Variants in MTMR2 observed in about 807,000 individuals in gnomAD.
MTMR2 encodes the protein phosphatidylinositol-3,5-bisphosphate 3-phosphatase MTMR2.
MTMR2 carries 55 observed loss-of-function variants against 86.9 expected under a neutral mutation model. The ratio of observed to expected loss-of-function variants is 0.63; its 90% CI spans 0.51 to 0.79. The LOEUF is 0.79. Among genes scored for constraint, MTMR2 ranks in the 30% least tolerant of loss-of-function variants. The pLI is 0.00. For missense variants in MTMR2, 659 were observed against 772.3 expected, an observed-to-expected ratio of 0.85 and a Z score of 1.74; for synonymous variants, 241 against 266.8, an observed-to-expected ratio of 0.90 and a Z score of 0.94.
At chr11:95,851,939 A>G (rs938472502) in intron 7 of MTMR2, among the ~76,000 whole-genome samples, 3 of 152,262 alleles carry the variant, frequency 2.0e-5, no homozygotes, top group African/African-American at 7.2e-5. Context: ...CTGCTATTTT[A>G]TAAATAGTGT....
chr11:95,901,591 G>A (rs1250641189), intron 1 of MTMR2, among the ~76,000 whole-genome samples: 1 of 152,216 alleles, frequency 6.6e-6, no homozygotes, highest in Non-Finnish European at 1.5e-5. Context: ...CAGCCAGAGA[G>A]AGAGAGAGAA....
chr11:95,911,490 C>T (rs146806005), intron 1 of MTMR2, among the ~76,000 whole-genome samples: 226 of 152,206 alleles, frequency 1.5e-3, no homozygotes, highest in Middle Eastern at 6.8e-3. Context: ...GGGGTGAGGA[C>T]TGGAGGGCAG....
rs2135462243 is a variant in MTMR2 at position 95,857,572 on chromosome 11, G to A, written c.634C>T (p.Leu212Phe). 1.2e-6 allele frequency: 2 copies of A among 1,611,380 alleles called. No individual in the cohort carries two copies. The highest frequency in any genetic ancestry group is 2.2e-5 in the East Asian group (1 of 44,744). ...CATACCTGCCTTCTATACTCTAAAA[G>A]AGGGTCATATAGCTTCCACCCATTT... The part of the protein sequence containing the change: ...PENGWKLYDP[L>F]LEYRRQGIPN... Residue 212 changes from leucine (L) to phenylalanine (F), a missense_variant, in exon 7 of 15, where the codon CTT becomes TTT. Physicochemically the swap from Leu to Phe is conservative, Grantham distance 22 (BLOSUM62 0). Coordinates refer to ENST00000346299, the MANE Select transcript of MTMR2 (RefSeq NM_016156.6).
chr11:95,892,620 C>T (rs933627108), intron 1 of MTMR2, among the ~76,000 whole-genome samples: 1 of 152,202 alleles, frequency 6.6e-6, no homozygotes, highest in Non-Finnish European at 1.5e-5. Flanking sequence ...TCAGTCCATC[C>T]AAACATTCCT....
intron 1 of MTMR2, among the ~76,000 whole-genome samples, chr11:95,898,322 C>T (rs1467320211): frequency 6.6e-6 from 1 of 151,406 alleles, no homozygotes; most frequent in Non-Finnish European, 1.5e-5. Context: ...CATCTCCCTT[C>T]AGCAGCATAT....
At chr11:95,891,812 AACAC>A (rs139332159) in intron 1 of MTMR2, among the ~76,000 whole-genome samples, 5 of 151,330 alleles carry the variant, frequency 3.3e-5, no homozygotes, top group African/African-American at 7.3e-5. Context: ...TTACGGCAGA[AACAC>A]ACACACACAC....
intron 2 of MTMR2, among the ~76,000 whole-genome samples, chr11:95,886,199 G>T (rs764256953): frequency 6.6e-6 from 1 of 152,036 alleles, no homozygotes; most frequent in Non-Finnish European, 1.5e-5. Context: ...TAATAATAAC[G>T]TATCAGTATT....
At chr11:95,848,541 T>C (rs1326204612) in intron 9 of MTMR2, among the ~76,000 whole-genome samples, 1 of 152,204 alleles carries the variant, frequency 6.6e-6, no homozygotes, top group Non-Finnish European at 1.5e-5. Context: ...AAGCTATGGC[T>C]AGAAAGAAGA....
At chr11:95,880,429 T>C (rs938542662) in intron 2 of MTMR2, among the ~76,000 whole-genome samples, 3 of 152,082 alleles carry the variant, frequency 2.0e-5, no homozygotes, top group African/African-American at 7.2e-5. Context: ...AAGATCTTTA[T>C]TCCAGTCTCC....
chr11:95,905,515 T>C (rs1287212184), intron 1 of MTMR2, among the ~76,000 whole-genome samples: 2 of 152,124 alleles, frequency 1.3e-5, no homozygotes, highest in East Asian at 3.8e-4. Flanking sequence ...AAAACAAATA[T>C]GTACGGGGCT....
chr11:95,849,626 C>T (rs758308078), intron 9 of MTMR2, 48 bp downstream of exon 9: 8 of 1,561,980 alleles, frequency 5.1e-6, no homozygotes, highest in Non-Finnish European at 7.0e-6. Flanking sequence ...CTGCCAAACT[C>T]AGCTGATTCA....
chr11:95,861,566 G>A (rs1864423391), intron 5 of MTMR2, among the ~76,000 whole-genome samples: 1 of 151,892 alleles, frequency 6.6e-6, no homozygotes, highest in South Asian at 2.1e-4. Flanking sequence ...TGAGATTACA[G>A]GTGCCCGCCA....
chr11:95,840,010 A>C (rs762600734), intron 12 of MTMR2: 2 of 152,186 alleles, frequency 1.3e-5, no homozygotes, highest in African/African-American at 4.8e-5. Context: ...AAAATTACTA[A>C]GGAAGAAATG....
At position 95,833,442 on chromosome 11, in the gene MTMR2, C is replaced by G. The variant is rs1368771225; in HGVS notation, c.*1848G>C. On this transcript the variant is annotated 3_prime_UTR_variant, in exon 15 of 15. Coordinates refer to ENST00000346299, the MANE Select transcript of MTMR2 (RefSeq NM_016156.6). ...TAAAAAGGGCTAGTATTCCTCCTCCCTCCCTCCCACACACACCAGTGGTAT... is the reference window on the plus strand; with the variant it reads ...TAAAAAGGGCTAGTATTCCTCCTCCGTCCCTCCCACACACACCAGTGGTAT... The G allele has an allele frequency of 6.6e-6, 1 of 152,080 alleles. No individual in the cohort carries two copies. Among genetic ancestry groups the G allele is most frequent in the African/African-American group, 2.4e-5 (1 of 41,416 alleles). The allele number at this position is 152,080 out of a possible 1,614,324, so 9.4% of individuals were successfully genotyped here. A position where few individuals can be genotyped will look rare whatever the true frequency, so the allele number is the denominator to read the frequency against.
At chr11:95,919,670 C>A (rs1200659441) in intron 1 of MTMR2, among the ~76,000 whole-genome samples, 2 of 152,080 alleles carry the variant, frequency 1.3e-5, no homozygotes, top group Non-Finnish European at 1.5e-5. Context: ...ACAGTAAAAT[C>A]AGCTCAAGAT....
Position 95,835,078 on chromosome 11 carries a change from T to G in MTMR2, c.*212A>C, listed in dbSNP as rs372852182. 7.6e-4 allele frequency: 434 copies of G among 567,534 alleles called. 1 individual carries two copies. The highest frequency in any genetic ancestry group is 9.3e-4 in the Non-Finnish European group (294 of 317,528). 35.2% of individuals were successfully genotyped at this position (567,534 alleles called of 1,614,324 possible). A position where few individuals can be genotyped will look rare whatever the true frequency, so the allele number is the denominator to read the frequency against. On this transcript the variant is annotated 3_prime_UTR_variant, in exon 15 of 15. Coordinates refer to ENST00000346299, the MANE Select transcript of MTMR2 (RefSeq NM_016156.6). ...AATATTCTTTGGATACTTAAAAGAT[T>G]AGTATCATAATCATGTAATTACATA...
chr11:95,874,653 A>C (rs1175565436), intron 2 of MTMR2, among the ~76,000 whole-genome samples: 3 of 152,086 alleles, frequency 2.0e-5, no homozygotes, highest in African/African-American at 4.8e-5. Flanking sequence ...TTAGCTGGTT[A>C]TTTTGCTCGT....
chr11:95,904,743 G>A (rs1163630791), intron 1 of MTMR2, among the ~76,000 whole-genome samples: 1 of 152,188 alleles, frequency 6.6e-6, no homozygotes, highest in Non-Finnish European at 1.5e-5. Flanking sequence ...GGAGTAGGTA[G>A]CTATTCTTTA....
intron 1 of MTMR2, chr11:95,914,298 C>T: frequency 5.1e-6 from 5 of 974,042 alleles, no homozygotes; most frequent in Non-Finnish European, 6.1e-6. Context: ...ATGTCAATGG[C>T]TCTTAACACA....
Sources: allele counts gnomAD v4.1 joint callset (sites outside exome capture counted in the v4.1 genomes callset), GRCh38; gene constraint gnomAD v4.1.1; transcripts MANE v1.5; gene names NCBI Gene and HGNC (gene_info 2026-07-23, HGNC 2026-07-21).